The following CCDC150 variants were observed in gnomAD, a reference collection of about 807,000 sequenced individuals.
CCDC150 encodes coiled-coil domain-containing protein 150.
In CCDC150, 151 loss-of-function variants were observed where a neutral mutation model predicts 156.5. The ratio of observed to expected loss-of-function variants is 0.97; its 90% CI spans 0.85 to 1.10. CCDC150 has a LOEUF of 1.10. CCDC150 is among the 50% of genes least tolerant of loss of function. The pLI is 0.00. For synonymous variants in CCDC150, 452 were observed against 429.4 expected, an observed-to-expected ratio of 1.05 and a Z score of -0.65; for missense variants, 1,312 against 1,268.1, an observed-to-expected ratio of 1.03 and a Z score of -0.53.
rs1698589855 is a variant in CCDC150 at position 196,732,738 on chromosome 2, C to CT, written c.*183dup. ...CTCTTATATCAGTACAAAACTACCC[C>CT]TTTTTTTGTCCCTTTTCACATTTTC... On this transcript the variant is annotated 3_prime_UTR_variant, in exon 28 of 28. Coordinates refer to ENST00000389175, the MANE Select transcript of CCDC150 (RefSeq NM_001080539.2). 2 of 420,302 alleles carry CT rather than the reference C, an allele frequency of 4.8e-6. No individual in the cohort carries two copies. Among genetic ancestry groups the CT allele is most frequent in the Non-Finnish European group, 8.5e-6 (2 of 234,738 alleles). The allele number at this position is 420,302 out of a possible 1,614,324, so 26.0% of individuals were successfully genotyped here.
At chr2:196,667,351 A>T in intron 7 of CCDC150, 1 of 163,552 alleles carries the variant, frequency 6.1e-6, no homozygotes. Context: ...TCCTCTTTTT[A>T]TAGATGAGTC....
At chr2:196,717,092 C>T (rs749638048) in intron 17 of CCDC150, among the ~76,000 whole-genome samples, 14 of 151,290 alleles carry the variant, frequency 9.3e-5, no homozygotes, top group Admixed American at 2.0e-4. Context: ...GGTTTCACCA[C>T]GTTGGCTAGG....
intron 13 of CCDC150, among the ~76,000 whole-genome samples, chr2:196,689,215 C>T (rs901913240): frequency 1.3e-5 from 2 of 152,130 alleles, no homozygotes; most frequent in Non-Finnish European, 2.9e-5. Flanking sequence ...TTAGGATTGA[C>T]TTGGCGATGT....
rs1403210438 is a variant in CCDC150 at position 196,721,610 on chromosome 2, A to G, written c.2348A>G (p.Asn783Ser). The G allele has an allele frequency of 1.2e-6, 2 of 1,607,674 alleles. No individual in the cohort carries two copies. Among genetic ancestry groups the G allele is most frequent in the Admixed American group, 1.7e-5 (1 of 59,148 alleles). Residue 783 changes from asparagine to serine, a missense_variant, in exon 21 of 28, where the codon AAT becomes AGT. Coordinates refer to ENST00000389175, the MANE Select transcript of CCDC150 (RefSeq NM_001080539.2). ...CTGGAACAAGCTCTCCAGACAAATA[A>G]TCATCTGCAAACAAAGCTAGATCAC... ...MSLEQALQTN[N>S]HLQTKLDHIQ...
intron 2 of CCDC150, among the ~76,000 whole-genome samples, chr2:196,647,856 T>G (rs1692637536): frequency 6.6e-6 from 1 of 152,176 alleles, no homozygotes; most frequent in Non-Finnish European, 1.5e-5. Context: ...AACTTATACC[T>G]CTTCTTAAAC....
intron 2 of CCDC150, 121 bp downstream of exon 2, chr2:196,646,625 G>C: frequency 1.4e-6 from 1 of 737,324 alleles, no homozygotes; most frequent in Non-Finnish European, 2.3e-6. Flanking sequence ...ATTTTCATTT[G>C]AGCATCACTT....
intron 2 of CCDC150, among the ~76,000 whole-genome samples, chr2:196,653,768 G>A (rs1290907457): frequency 6.6e-6 from 1 of 152,142 alleles, no homozygotes; most frequent in Non-Finnish European, 1.5e-5. Context: ...TTTTAGCAAT[G>A]CCTCACTCTT....
At chr2:196,718,214 A>G (rs1697656813) in intron 17 of CCDC150, 1 of 179,272 alleles carries the variant, frequency 5.6e-6, no homozygotes, top group Non-Finnish European at 1.2e-5. Flanking sequence ...AAAGGAAGCT[A>G]GTCTCATAAT....
At chr2:196,719,689 G>A in intron 19 of CCDC150, 23 bp downstream of exon 19, 1 of 1,579,490 alleles carries the variant, frequency 6.3e-7, no homozygotes, top group Non-Finnish European at 8.6e-7. Flanking sequence ...TTTTTTCCCT[G>A]TCATTGGTAT....
rs143213362 is a variant in CCDC150, at chr2:196,696,018, T to C, written c.1623+859T>C. On this transcript the variant is annotated intron_variant, in intron 14 of 27. Coordinates refer to ENST00000389175, the MANE Select transcript of CCDC150 (RefSeq NM_001080539.2). ...TGAGCTAAAGTCTTTCAAACTGTTA[T>C]AAGCTGCTCATTACTTCAACTATGA... 1.2e-3 allele frequency among the ~76,000 whole-genome samples: 180 copies of C among 152,346 alleles called. No individual in the cohort carries two copies. The East Asian group carries it at 0.019, about 16-fold the overall frequency.
At chr2:196,697,880 A>G (rs1178725252) in intron 14 of CCDC150, among the ~76,000 whole-genome samples, 1 of 152,154 alleles carries the variant, frequency 6.6e-6, no homozygotes, top group African/African-American at 2.4e-5. Flanking sequence ...TGTCTTTCAT[A>G]TCTTAAGATA....
chr2:196,676,329 T>G (rs1320053965), intron 11 of CCDC150, 62 bp downstream of exon 11: 6 of 1,578,292 alleles, frequency 3.8e-6, no homozygotes, highest in South Asian at 3.4e-5. Context: ...TTTCTTATCA[T>G]GTGTCCGTCT....
chr2:196,660,321 A>G (rs894144358), intron 5 of CCDC150, among the ~76,000 whole-genome samples: 3 of 152,196 alleles, frequency 2.0e-5, no homozygotes, highest in African/African-American at 7.2e-5. Flanking sequence ...ATTTGGGTAA[A>G]TGTAATACCT....
In CCDC150 at chr2:196,658,796, A is replaced by G. The variant is rs1418772285; in HGVS notation, c.581A>G (p.Asn194Ser). The G allele has an allele frequency of 6.3e-7, 1 of 1,599,664 alleles. No homozygotes were observed. Among genetic ancestry groups the G allele is most frequent in the South Asian group, 1.1e-5 (1 of 88,568 alleles). Residue 194 changes from asparagine (N) to serine (S), a missense_variant, in exon 5 of 28, where the codon AAT becomes AGT. Physicochemically the swap from Asn to Ser is conservative, Grantham distance 46 (BLOSUM62 1). Coordinates refer to ENST00000389175, the MANE Select transcript of CCDC150 (RefSeq NM_001080539.2). ...TLKIASQTKKNAAIIEEELKT... is the reference protein window; with the variant it reads ...TLKIASQTKKSAAIIEEELKT... Reference sequence around the variant, plus strand: ...CTTTTCTCCTTCTACTTTTAGAAGAATGCAGCCATTATTGAAGAGGAACTG... The same window carrying G: ...CTTTTCTCCTTCTACTTTTAGAAGAGTGCAGCCATTATTGAAGAGGAACTG...
chr2:196,709,421 T>G (rs1192533249), intron 15 of CCDC150, among the ~76,000 whole-genome samples: 4 of 152,116 alleles, frequency 2.6e-5, no homozygotes, highest in Admixed American at 2.6e-4. Context: ...TTTTTCAAGG[T>G]TTTTAGCTTC....
intron 13 of CCDC150, among the ~76,000 whole-genome samples, chr2:196,691,725 G>T (rs981900744): frequency 6.6e-6 from 1 of 151,980 alleles, no homozygotes; most frequent in Non-Finnish European, 1.5e-5. Flanking sequence ...GGTGGATCAC[G>T]AGGTCAGGAG....
intron 15 of CCDC150, among the ~76,000 whole-genome samples, chr2:196,707,145 C>T (rs1304818365): frequency 6.6e-6 from 1 of 152,124 alleles, no homozygotes; most frequent in Non-Finnish European, 1.5e-5. Flanking sequence ...TGGTCCTGGA[C>T]ATTTTTTGGT....
chr2:196,667,236 A>G (rs997943377), intron 7 of CCDC150: 14 of 233,780 alleles, frequency 6.0e-5, no homozygotes, highest in Non-Finnish European at 1.2e-4. Context: ...CTGTCAGTTC[A>G]TCATGTCAGA....
At chr2:196,707,174 T>C (rs1257766428) in intron 15 of CCDC150, among the ~76,000 whole-genome samples, 1 of 152,170 alleles carries the variant, frequency 6.6e-6, no homozygotes, top group Non-Finnish European at 1.5e-5. Context: ...TATTATTGCC[T>C]CAATTTCAGA....
Sources: allele counts gnomAD v4.1 joint callset (sites outside exome capture counted in the v4.1 genomes callset), GRCh38; gene constraint gnomAD v4.1.1; transcripts MANE v1.5; gene names NCBI Gene and HGNC (gene_info 2026-07-23, HGNC 2026-07-21).